Variants in FANCL observed in about 807,000 individuals in gnomAD.
FANCL encodes E3 ubiquitin-protein ligase FANCL.
A neutral mutation model predicts 59.4 loss-of-function variants in FANCL; 69 were observed. The ratio of observed to expected loss-of-function variants is 1.16; its 90% confidence interval spans 0.96 to 1.42. The LOEUF (loss-of-function observed/expected upper bound fraction) is 1.42. Among genes scored for constraint, FANCL ranks in the 40% most tolerant of loss-of-function variants. The pLI is 0.00. For synonymous variants in FANCL, 180 were observed against 147.1 expected (o/e 1.22, Z -1.62); for missense variants, 519 against 447.2 (o/e 1.16, Z -1.45).
chr2:58,203,992 G>A, intron 6 of FANCL, 138 bp downstream of exon 6: 2 of 744,448 alleles, frequency 2.7e-6, no homozygotes, highest in East Asian at 2.6e-5. Context: ...ATTCTTTGAG[G>A]CTTTCCAAAA....
intron 9 of FANCL, 72 bp from the exon 10 acceptor site, chr2:58,163,146 G>C (rs1024412127): frequency 1.5e-6 from 2 of 1,312,678 alleles, no homozygotes; most frequent in East Asian, 2.3e-5. Flanking sequence ...ATTTGATACA[G>C]AATGTTTCTT....
At chr2:58,160,289 CT>C in intron 12 of FANCL, 110 bp from the exon 13 acceptor site, 1 of 1,153,036 alleles carries the variant, frequency 8.7e-7, no homozygotes, top group South Asian at 1.3e-5. Context: ...TTCCAGAAGA[CT>C]TAGCTTAATT....
chr2:58,162,755 TATA>T, intron 11 of FANCL, 108 bp downstream of exon 11: 1 of 937,768 alleles, frequency 1.1e-6, no homozygotes, highest in Non-Finnish European at 1.7e-6. Flanking sequence ...AAGTCTGTGT[TATA>T]ATATTTTTCT....
Position 58,163,705 on chromosome 2 carries a change from T to C in FANCL, c.692-188A>G, listed in dbSNP as rs984837344. 2.6e-5 allele frequency among the ~76,000 whole-genome samples: 4 copies of C among 152,016 alleles called. No individual in the cohort carries two copies. The East Asian group carries it at 7.7e-4, about 29-fold the overall frequency. On this transcript the variant is annotated intron_variant, in intron 8 of 13. Coordinates refer to ENST00000233741, the MANE Select transcript of FANCL (RefSeq NM_018062.4). Reference sequence around the variant, plus strand: ...AAAAGAAGTAATTTTGATATGATTATCATTGAAAGGATCTTAAATTTCAGC... The same window carrying C: ...AAAAGAAGTAATTTTGATATGATTACCATTGAAAGGATCTTAAATTTCAGC...
Position 58,165,849 on chromosome 2 carries a change from T to C in FANCL, c.566A>G (p.Gln189Arg). The change falls in exon 8 of 14, where the codon CAG (glutamine) becomes CGG (arginine). Residue 189 changes from glutamine to arginine, a missense_variant. Transcript: ENST00000233741. ...TAGTGATTCTATTGCTGCCAAAAAC[T>C]GACTATAAATGCTTATTAAGGAGCT... is the stretch of plus-strand genomic sequence containing the variant. ...PQSSLISIYS[Q>R]FLAAIESLKA... 6.2e-7 allele frequency: 1 copy of C among 1,614,056 alleles called. No individual in the cohort carries two copies.
At chr2:58,202,347 A>G (rs1690126629) in intron 6 of FANCL, among the ~76,000 whole-genome samples, 1 of 149,054 alleles carries the variant, frequency 6.7e-6, no homozygotes, top group Non-Finnish European at 1.5e-5. Context: ...TATTCTACTT[A>G]TTTGTCCAAA....
At chr2:58,237,098 G>A (rs1035493118) in intron 1 of FANCL, among the ~76,000 whole-genome samples, 15 of 152,052 alleles carry the variant, frequency 9.9e-5, no homozygotes, top group African/African-American at 3.1e-4. Flanking sequence ...ATAAGGGCCT[G>A]GGTAGCACTC....
chr2:58,188,171 C>T (rs889148639), intron 7 of FANCL, among the ~76,000 whole-genome samples: 7 of 152,126 alleles, frequency 4.6e-5, no homozygotes, highest in Admixed American at 2.6e-4. Flanking sequence ...ACTGTCCTTC[C>T]TCCACTAAAC....
chr2:58,189,880 T>C (rs1006297840), intron 7 of FANCL, among the ~76,000 whole-genome samples: 3 of 152,104 alleles, frequency 2.0e-5, no homozygotes, highest in Non-Finnish European at 2.9e-5. Context: ...ATTCTGATCT[T>C]TTTTATTCTT....
At position 58,222,028 on chromosome 2, in the gene FANCL, C is replaced by A. The variant is rs770368316; in HGVS notation, c.288G>T (p.Lys96Asn). 33 of 1,612,824 alleles carry A rather than the reference C, an allele frequency of 2.0e-5. No homozygotes were observed. The highest frequency in any genetic ancestry group is 1.6e-4 in the Middle Eastern group (1 of 6,080). ...ELKMLLEVALKNRQELYALPP... is the reference protein window; with the variant it reads ...ELKMLLEVALNNRQELYALPP... ...GTAGTGCATACAGCTCTTGTCTATT[C>A]TTTAAGGCAACTTCCTGTTTAAAAG... The change falls in exon 5 of 14, where the codon AAG becomes AAT. Residue 96 changes from lysine (K) to asparagine (N), a missense_variant. By Grantham distance (94) the Lys-to-Asn change is moderately conservative. Coordinates refer to ENST00000233741, the MANE Select transcript of FANCL (RefSeq NM_018062.4).
rs1685177309 is a variant in FANCL, at chr2:58,161,577, T to C, written c.965A>G (p.Gln322Arg). The C allele has an allele frequency of 5.0e-6, 8 of 1,611,540 alleles. No homozygotes were observed. Among genetic ancestry groups the C allele is most frequent in the Non-Finnish European group, 6.8e-6 (8 of 1,178,136 alleles). Residue 322 changes from glutamine (Q) to arginine (R), a missense_variant, in exon 12 of 14, where the codon CAA (glutamine) becomes CGA (arginine). Gln to Arg is a conservative substitution (Grantham distance 43). Coordinates refer to ENST00000233741, the MANE Select transcript of FANCL (RefSeq NM_018062.4). Reference sequence around the variant, plus strand: ...TCCACACTGAGAATTATCACACACTTGATCAGGAATGGTACCGTCAAGTTG... The same window carrying C: ...TCCACACTGAGAATTATCACACACTCGATCAGGAATGGTACCGTCAAGTTG... ...AYQLDGTIPD[Q>R]VCDNSQCGQP...
intron 7 of FANCL, among the ~76,000 whole-genome samples, chr2:58,188,662 A>C (rs1042711897): frequency 1.7e-4 from 26 of 151,950 alleles, no homozygotes; most frequent in African/African-American, 6.0e-4. Context: ...ATGGTCTCCA[A>C]CTGCTGGGCT....
At chr2:58,171,689 G>A (rs1400048508) in intron 7 of FANCL, among the ~76,000 whole-genome samples, 2 of 152,164 alleles carry the variant, frequency 1.3e-5, no homozygotes, top group Non-Finnish European at 2.9e-5. Context: ...GCAGAAGACG[G>A]GTGATTTCTG....
chr2:58,203,913 G>T (rs1690311687), intron 6 of FANCL, among the ~76,000 whole-genome samples: 1 of 152,034 alleles, frequency 6.6e-6, no homozygotes, highest in Admixed American at 6.6e-5. Context: ...TATAAAGTCT[G>T]TATTTTGAGC....
chr2:58,229,900 T>C, intron 2 of FANCL, 26 bp from the exon 3 acceptor site: 1 of 1,530,194 alleles, frequency 6.5e-7, no homozygotes, highest in African/African-American at 1.4e-5. Flanking sequence ...GACAAAATGG[T>C]TTATTCATTG....
At chr2:58,220,159 G>C (rs1692326455) in intron 5 of FANCL, among the ~76,000 whole-genome samples, 1 of 152,212 alleles carries the variant, frequency 6.6e-6, no homozygotes, top group Non-Finnish European at 1.5e-5. Flanking sequence ...TGAAATCCGA[G>C]GCTGTAATTT....
intron 5 of FANCL, among the ~76,000 whole-genome samples, chr2:58,206,589 A>G (rs1690608590): frequency 6.6e-6 from 1 of 152,178 alleles, no homozygotes; most frequent in Non-Finnish European, 1.5e-5. Context: ...TTTAACATCT[A>G]TAAAATAACA....
chr2:58,227,778 C>T (rs957871163), intron 3 of FANCL, among the ~76,000 whole-genome samples: 4 of 152,278 alleles, frequency 2.6e-5, no homozygotes, highest in Admixed American at 6.5e-5. Context: ...TGGGCACAGG[C>T]CCGGGGGTGG....
At chr2:58,178,256 C>G (rs1205894905) in intron 7 of FANCL, among the ~76,000 whole-genome samples, 2 of 152,090 alleles carry the variant, frequency 1.3e-5, no homozygotes, top group Non-Finnish European at 2.9e-5. Context: ...CATCCTGACA[C>G]CAAAATCTGG....
Sources: gnomAD v4.1 joint callset for allele counts (sites outside exome capture counted in the v4.1 genomes callset) on GRCh38, gnomAD v4.1.1 for gene constraint, MANE v1.5 for transcripts, NCBI Gene and HGNC (gene_info 2026-07-23, HGNC 2026-07-21) for gene names.